The following MECOM variants were observed in gnomAD, a reference collection of about 807,000 sequenced individuals.
MECOM encodes histone-lysine N-methyltransferase MECOM.
A neutral mutation model predicts 116.3 loss-of-function variants in MECOM; 13 were observed. The ratio of observed to expected loss-of-function variants is 0.11; its 90% CI spans 0.07 to 0.18. The LOEUF is 0.18. MECOM is among the 10% of genes least tolerant of loss of function. The pLI, the probability that MECOM is intolerant of heterozygous loss-of-function variation, is 1.00. For synonymous variants in MECOM, 528 were observed against 535.2 expected (o/e 0.99, Z 0.19); for missense variants, 1,299 against 1,509.0 (o/e 0.86, Z 2.31).
In MECOM at chr3:169,611,094, A is replaced by T. The variant is rs1286151451; in HGVS notation, c.37+52242T>A. Among the ~76,000 whole-genome samples, 12 of 152,224 alleles carry T rather than the reference A, an allele frequency of 7.9e-5. No homozygotes were observed. The highest frequency in any genetic ancestry group is 7.9e-4 in the Admixed American group (12 of 15,278). On this transcript the variant is annotated intron_variant, in intron 1 of 16. Coordinates refer to ENST00000651503, the MANE Select transcript of MECOM (RefSeq NM_004991.4). The surrounding 1 kb of genome is among the most constrained non-coding windows in gnomAD (Gnocchi z 4.1). ...GAGTCAGTGAGCTGAAGTGGAGCTGATAAATCTGTTTTTGTTGATACTGCT... is the reference window on the plus strand; with the variant it reads ...GAGTCAGTGAGCTGAAGTGGAGCTGTTAAATCTGTTTTTGTTGATACTGCT...
intron 2 of MECOM, among the ~76,000 whole-genome samples, chr3:169,264,637 GAAAT>G (rs1758036874): frequency 6.6e-6 from 1 of 152,140 alleles, no homozygotes. Context: ...ACATACCTAG[GAAAT>G]AAATAATCAG....
chr3:169,132,839 A>G (rs191976584), intron 3 of MECOM, among the ~76,000 whole-genome samples: 2 of 150,532 alleles, frequency 1.3e-5, no homozygotes, highest in East Asian at 3.9e-4. Context: ...AGCAGCCTCA[A>G]CCTCCCTGGG....
At chr3:169,647,607 A>C (rs7629654) in intron 1 of MECOM, among the ~76,000 whole-genome samples, 36,026 of 152,178 alleles carry the variant, frequency 0.24, 8,534 homozygotes, top group African/African-American at 0.62. Flanking sequence ...ATTAAAACTG[A>C]AAAACCTAAA....
At chr3:169,270,509 A>G (rs1758816789) in intron 2 of MECOM, among the ~76,000 whole-genome samples, 1 of 152,124 alleles carries the variant, frequency 6.6e-6, no homozygotes, top group Admixed American at 6.5e-5. Flanking sequence ...GGTAAAATAC[A>G]CTTATATCCT....
At chr3:169,121,645 C>T (rs1379256956) in intron 6 of MECOM, among the ~76,000 whole-genome samples, 5 of 151,854 alleles carry the variant, frequency 3.3e-5, no homozygotes, top group South Asian at 2.1e-4. Context: ...TTCCCTAGGG[C>T]GTAAAATTCT....
chr3:169,387,424 G>T (rs555786281), intron 1 of MECOM, among the ~76,000 whole-genome samples: 1 of 151,968 alleles, frequency 6.6e-6, no homozygotes, highest in Non-Finnish European at 1.5e-5. Flanking sequence ...TGGCCTTTCC[G>T]CCTAGTTTAA....
chr3:169,502,326 G>A (rs1754638719), intron 1 of MECOM, among the ~76,000 whole-genome samples: 1 of 152,056 alleles, frequency 6.6e-6, no homozygotes. Context: ...TTCAGTGGCA[G>A]AATCCATATC....
intron 14 of MECOM, among the ~76,000 whole-genome samples, chr3:169,091,351 G>T (rs1177576801): frequency 6.6e-6 from 1 of 152,016 alleles, no homozygotes; most frequent in East Asian, 1.9e-4. Flanking sequence ...AGGAGTTCAG[G>T]GGAAAAACTT....
chr3:169,289,049 T>C (rs1171286454), intron 2 of MECOM, among the ~76,000 whole-genome samples: 5 of 152,252 alleles, frequency 3.3e-5, no homozygotes, highest in African/African-American at 4.8e-5. Flanking sequence ...TACAGTTCTA[T>C]AAACTCACTA....
At chr3:169,139,009 G>C (rs1296562753) in intron 3 of MECOM, among the ~76,000 whole-genome samples, 1 of 152,086 alleles carries the variant, frequency 6.6e-6, no homozygotes, top group Non-Finnish European at 1.5e-5. Flanking sequence ...CCTGGAAGCA[G>C]TTAAAACTTT....
intron 2 of MECOM, among the ~76,000 whole-genome samples, chr3:169,303,340 G>GATAT (rs148215690): frequency 6.7e-5 from 10 of 149,806 alleles, no homozygotes; most frequent in East Asian, 2.0e-4. Context: ...ACTTGAAACA[G>GATAT]ATATATATAT....
At chr3:169,629,275 C>T (rs1167057111) in intron 1 of MECOM, among the ~76,000 whole-genome samples, 1 of 151,806 alleles carries the variant, frequency 6.6e-6, no homozygotes, top group Non-Finnish European at 1.5e-5. Flanking sequence ...TATATATTTG[C>T]CGACATCATA....
chr3:169,279,292 A>T (rs1352717163), intron 2 of MECOM, among the ~76,000 whole-genome samples: 2 of 152,132 alleles, frequency 1.3e-5, no homozygotes, highest in Admixed American at 1.3e-4. Flanking sequence ...TATATTTAGA[A>T]TCCAATGTCT....
intron 1 of MECOM, among the ~76,000 whole-genome samples, chr3:169,572,293 A>G (rs1318075376): frequency 6.6e-6 from 1 of 152,258 alleles, no homozygotes; most frequent in Non-Finnish European, 1.5e-5. Flanking sequence ...ACAATGAGAT[A>G]CCATCTCATA....
intron 2 of MECOM, among the ~76,000 whole-genome samples, chr3:169,312,385 T>TG (rs1348941813): frequency 6.6e-6 from 1 of 150,522 alleles, no homozygotes; most frequent in African/African-American, 2.5e-5. Context: ...TTTTTTTTTT[T>TG]TGAGTTGGAG....
intron 1 of MECOM, among the ~76,000 whole-genome samples, chr3:169,388,963 A>G (rs1286861610): frequency 5.3e-5 from 8 of 152,238 alleles, no homozygotes; most frequent in Admixed American, 5.2e-4. Context: ...TGGGGGCAAG[A>G]TAGCAAGGGA....
chr3:169,644,184 G>T (rs929776098), intron 1 of MECOM, among the ~76,000 whole-genome samples: 1 of 151,880 alleles, frequency 6.6e-6, no homozygotes, highest in South Asian at 2.1e-4. Flanking sequence ...CACTCCTGAG[G>T]CTAGAAAATT....
At position 169,515,324 on chromosome 3, in the gene MECOM, T is replaced by G. The variant is rs16853912; in HGVS notation, c.38-133800A>C. Among the ~76,000 whole-genome samples the G allele has an allele frequency of 0.018, 2,793 of 152,282 alleles. 256 individuals are homozygous for G. The East Asian group carries it at 0.3, about 16-fold the overall frequency. On this transcript the variant is annotated intron_variant, in intron 1 of 16. Transcript: ENST00000651503. ...GTGTCTGCCCATGTTTCTGAGCAAC[T>G]TGGAGCTAGCCAACTCCTGTGGGGC...
At chr3:169,519,404 T>TA (rs1336810141) in intron 1 of MECOM, among the ~76,000 whole-genome samples, 1 of 152,230 alleles carries the variant, frequency 6.6e-6, no homozygotes, top group Non-Finnish European at 1.5e-5. Context: ...AACTACTGGC[T>TA]GAATGGAACC....
Sources: gnomAD v4.1 joint callset for allele counts (sites outside exome capture counted in the v4.1 genomes callset) on GRCh38, gnomAD v4.1.1 for gene constraint, Gnocchi (gnomAD v3.1) non-coding constraint, MANE v1.5 for transcripts, NCBI Gene and HGNC (gene_info 2026-07-23, HGNC 2026-07-21) for gene names.